The following EEFSEC variants were observed in gnomAD, a reference collection of about 807,000 sequenced individuals.
The protein encoded by EEFSEC is selenocysteine-specific elongation factor.
A neutral mutation model predicts 42.1 loss-of-function variants in EEFSEC; 43 were observed. The observed-to-expected ratio is 1.02, with a 90% CI of 0.80 to 1.32. The LOEUF is 1.32. Among genes scored for constraint, EEFSEC ranks in the 40% most tolerant of loss-of-function variants. The probability of loss-of-function intolerance (pLI) is 0.00; values close to 1 mark genes in which losing one functional copy is unlikely to be tolerated. For missense variants in EEFSEC, 745 were observed against 803.6 expected (o/e 0.93, Z 0.88); for synonymous variants, 354 against 339.1 (o/e 1.04, Z -0.48).
intron 4 of EEFSEC, among the ~76,000 whole-genome samples, chr3:128,339,467 GA>G (rs1307959069): frequency 1.3e-5 from 2 of 152,206 alleles, no homozygotes; most frequent in Non-Finnish European, 2.9e-5. Context: ...TCAAATCCAT[GA>G]ACAGTTTCCT....
chr3:128,349,373 G>A (rs887489968), intron 5 of EEFSEC, among the ~76,000 whole-genome samples: 5 of 152,152 alleles, frequency 3.3e-5, no homozygotes, highest in Non-Finnish European at 7.4e-5. Flanking sequence ...TCCCAGTCTC[G>A]CCCTGAGGCT....
chr3:128,347,384 AG>A (rs2067325172), intron 5 of EEFSEC, among the ~76,000 whole-genome samples: 1 of 152,234 alleles, frequency 6.6e-6, no homozygotes, highest in African/African-American at 2.4e-5. Flanking sequence ...GAGAGGGTTT[AG>A]GAAAGACTAC....
intron 4 of EEFSEC, among the ~76,000 whole-genome samples, chr3:128,319,655 T>G (rs1227687082): frequency 6.6e-6 from 1 of 151,388 alleles, no homozygotes; most frequent in Non-Finnish European, 1.5e-5. Flanking sequence ...CAACCAGGGG[T>G]TTCCATGCAC....
At chr3:128,297,187 T>A (rs2066715782) in intron 4 of EEFSEC, among the ~76,000 whole-genome samples, 1 of 151,800 alleles carries the variant, frequency 6.6e-6, no homozygotes, top group African/African-American at 2.4e-5. Flanking sequence ...CAGGGAGATG[T>A]GTACAGGGAA....
At position 128,283,099 on chromosome 3, in the gene EEFSEC, C is replaced by T. The variant is rs144943381; in HGVS notation, c.786+18318C>T. ...ACCTGCTGTGTATAAGCAGGCTGCT[C>T]AGAGGAGCCCTTTCAGGCACTGGCT... On this transcript the variant is annotated intron_variant, in intron 4 of 6. Coordinates refer to ENST00000254730, the MANE Select transcript of EEFSEC (RefSeq NM_021937.5). 8.9e-3 allele frequency among the ~76,000 whole-genome samples: 1,350 copies of T among 152,378 alleles called. 78 individuals are homozygous for T. The highest frequency in any genetic ancestry group is 0.078 in the Admixed American group (1,191 of 15,306).
At chr3:128,397,457 G>T (rs923119605) in intron 6 of EEFSEC, among the ~76,000 whole-genome samples, 2 of 152,232 alleles carry the variant, frequency 1.3e-5, no homozygotes, top group Admixed American at 1.3e-4. Context: ...TGGCTGAGTG[G>T]GAGGCATTTG....
At chr3:128,239,570 C>T (rs529801793) in intron 1 of EEFSEC, among the ~76,000 whole-genome samples, 5 of 152,268 alleles carry the variant, frequency 3.3e-5, no homozygotes, top group East Asian at 1.9e-4. Flanking sequence ...TCCAAGCTGC[C>T]ACCCCGTTCC....
intron 1 of EEFSEC, among the ~76,000 whole-genome samples, chr3:128,156,633 C>T (rs1271639048): frequency 6.6e-6 from 1 of 152,236 alleles, no homozygotes; most frequent in African/African-American, 2.4e-5. Context: ...CATTTCACTT[C>T]ATTTCAAACA....
chr3:128,422,974 C>T, the EEFSEC span, among the ~76,000 whole-genome samples: 1 of 152,222 alleles, frequency 6.6e-6, no homozygotes, highest in African/African-American at 2.4e-5. Flanking sequence ...TTTCCCAGGC[C>T]CACACCAACC....
intron 6 of EEFSEC, among the ~76,000 whole-genome samples, chr3:128,394,366 A>G (rs1311219742): frequency 6.6e-6 from 1 of 152,128 alleles, no homozygotes. Flanking sequence ...TGATACAGTA[A>G]TCAGGGTGCT....
At chr3:128,200,030 A>C (rs1215810357) in intron 1 of EEFSEC, among the ~76,000 whole-genome samples, 1 of 152,008 alleles carries the variant, frequency 6.6e-6, no homozygotes, top group African/African-American at 2.4e-5. Context: ...CACCGTGCCC[A>C]GCCTAAAAAT....
chr3:128,283,790 G>A (rs1054317997), intron 4 of EEFSEC, among the ~76,000 whole-genome samples: 3 of 152,192 alleles, frequency 2.0e-5, no homozygotes, highest in Admixed American at 1.3e-4. Context: ...TGGCCTGCAG[G>A]AAGAACCCCT....
At chr3:128,415,929 G>T in the EEFSEC span, among the ~76,000 whole-genome samples, 1 of 152,230 alleles carries the variant, frequency 6.6e-6, no homozygotes, top group Non-Finnish European at 1.5e-5. Context: ...ACCTTTGGGG[G>T]GAAGTGGCTG....
At chr3:128,332,490 C>T (rs1429102786) in intron 4 of EEFSEC, among the ~76,000 whole-genome samples, 1 of 152,236 alleles carries the variant, frequency 6.6e-6, no homozygotes, top group Admixed American at 6.5e-5. Flanking sequence ...CTCGCTCTGT[C>T]ACCCAGGCGG....
chr3:128,190,423 A>G (rs531334168), intron 1 of EEFSEC, among the ~76,000 whole-genome samples: 1 of 152,362 alleles, frequency 6.6e-6, no homozygotes, highest in South Asian at 2.1e-4. Context: ...AAAAGAAAAA[A>G]GTTTTTAATG....
chr3:128,229,403 C>T (rs2065938220), intron 1 of EEFSEC, among the ~76,000 whole-genome samples: 1 of 152,216 alleles, frequency 6.6e-6, no homozygotes. Context: ...GCCCATTGTC[C>T]TTTCCTCCAG....
intron 6 of EEFSEC, among the ~76,000 whole-genome samples, chr3:128,380,854 C>T (rs2067767474): frequency 6.6e-6 from 1 of 152,244 alleles, no homozygotes; most frequent in South Asian, 2.1e-4. Context: ...ACATGTGCAC[C>T]TGTGGGTGGA....
chr3:128,341,437 A>G lies in EEFSEC; in HGVS notation c.991A>G (p.Thr331Ala), dbSNP rs746792350. ...KIPYFRGPLQTKAKFHITVGH... is the reference protein window; with the variant it reads ...KIPYFRGPLQAKAKFHITVGH... ...ACCGTATTTCCGGGGGCCCCTGCAAACCAAGGCCAAGTTCCACATTACAGT... is the reference window on the plus strand; with the variant it reads ...ACCGTATTTCCGGGGGCCCCTGCAAGCCAAGGCCAAGTTCCACATTACAGT... Residue 331 changes from threonine to alanine, a missense_variant, in exon 5 of 7, where the codon ACC becomes GCC. Thr to Ala is a moderately conservative substitution (Grantham distance 58, BLOSUM62 0). Coordinates refer to ENST00000254730, the MANE Select transcript of EEFSEC (RefSeq NM_021937.5). 1 of 1,614,040 alleles carries G rather than the reference A, an allele frequency of 6.2e-7. No homozygotes were observed. The highest frequency in any genetic ancestry group is 8.5e-7 in the Non-Finnish European group (1 of 1,180,036).
chr3:128,365,722 C>A (rs2067582569), intron 6 of EEFSEC, among the ~76,000 whole-genome samples: 1 of 152,130 alleles, frequency 6.6e-6, no homozygotes. Context: ...GCATTCATGC[C>A]AGGCTGCTTC....
Sources: allele counts gnomAD v4.1 joint callset (sites outside exome capture counted in the v4.1 genomes callset), GRCh38; gene constraint gnomAD v4.1.1; transcripts MANE v1.5; gene names NCBI Gene and HGNC (gene_info 2026-07-23, HGNC 2026-07-21).